TMEM268: variants seen among roughly 807,000 people sequenced by gnomAD.
TMEM268 encodes the protein transmembrane protein 268.
TMEM268 carries 24 observed loss-of-function variants against 39.1 expected under a neutral mutation model. That is an observed-to-expected ratio of 0.61 (90% CI 0.44 to 0.86). The LOEUF (loss-of-function observed/expected upper bound fraction) is 0.86, where lower values mean the gene tolerates loss of function less well. Ranked by LOEUF, TMEM268 falls within the 40% of genes least tolerant of loss-of-function variation. The pLI is 0.00. For synonymous variants in TMEM268, 176 were observed against 173.5 expected (o/e 1.01, Z -0.12); for missense variants, 409 against 428.6 (o/e 0.95, Z 0.40).
chr9:114,622,146 T>C, intron 2 of TMEM268: 1 of 985,116 alleles, frequency 1.0e-6, no homozygotes, highest in Non-Finnish European at 1.2e-6. Flanking sequence ...GAGAGAGGGT[T>C]TGGATAGGCC....
At chr9:114,626,859 TC>T (rs1360736166) in intron 3 of TMEM268, 39 bp from the exon 4 acceptor site, 1 of 1,480,220 alleles carries the variant, frequency 6.8e-7, no homozygotes. Context: ...AAACTGGCTG[TC>T]CTGCGGCTGA....
intron 7 of TMEM268, 78 bp from the exon 8 acceptor site, chr9:114,638,466 C>A (rs1846738836): frequency 8.8e-7 from 1 of 1,132,510 alleles, no homozygotes; most frequent in Admixed American, 2.9e-5. Context: ...GCTCGGTCTG[C>A]AGCTTGGGGA....
chr9:114,606,437 G>A (rs947269575), upstream of TMEM268, among the ~76,000 whole-genome samples: 3 of 152,188 alleles, frequency 2.0e-5, no homozygotes, highest in Non-Finnish European at 4.4e-5. Context: ...AGTGGAGTCC[G>A]TCATTTGAGG....
In TMEM268 at chr9:114,628,207, T is replaced by C. The variant is rs1564292631; in HGVS notation, c.431T>C (p.Leu144Pro). 6 of 1,614,164 alleles carry C rather than the reference T, an allele frequency of 3.7e-6. No homozygotes were observed. Among genetic ancestry groups the C allele is most frequent in the Non-Finnish European group, 5.1e-6 (6 of 1,179,994 alleles). ...MLLVTLAAVS[L>P]TLTLVLVFER... ...CTCGTGACCCTGGCCGCGGTGAGCC[T>C]GACCTTGACTCTTGTGCTGGTCTTT... The change falls in exon 5 of 9, where the codon CTG becomes CCG. Residue 144 changes from leucine to proline, a missense_variant. By Grantham distance (98) the Leu-to-Pro change is moderately conservative. Coordinates refer to ENST00000288502, the MANE Select transcript of TMEM268 (RefSeq NM_153045.4).
chr9:114,608,988 C>CAATTTGG (rs917718529), upstream of TMEM268, among the ~76,000 whole-genome samples: 5 of 152,070 alleles, frequency 3.3e-5, no homozygotes, highest in Non-Finnish European at 5.9e-5. Context: ...AGTTTCCCAA[C>CAATTTGG]AATTTGGAAT....
Position 114,627,006 on chromosome 9 carries a change from G to A in TMEM268, c.324G>A (p.Val108=). The change falls in exon 4 of 9, where the codon GTG becomes GTA. Residue 108 remains valine, a splice_region_variant and synonymous_variant. Coordinates refer to ENST00000288502, the MANE Select transcript of TMEM268 (RefSeq NM_153045.4). ...GGCCTATGCGGCTGGCCTTTGCTGT[G>A]GTAAGGGGGAGGTGGCCCGCACACT... is the stretch of plus-strand genomic sequence containing the variant. ...NSRPMRLAFA[V]VFYVVVWANI... 6.2e-7 allele frequency: 1 copy of A among 1,604,268 alleles called. No homozygotes were observed. Among genetic ancestry groups the A allele is most frequent in the Non-Finnish European group, 8.5e-7 (1 of 1,171,574 alleles).
At chr9:114,627,525 C>T (rs1846215351) in intron 4 of TMEM268, among the ~76,000 whole-genome samples, 1 of 152,154 alleles carries the variant, frequency 6.6e-6, no homozygotes, top group Non-Finnish European at 1.5e-5. Flanking sequence ...AGCGTCTGTG[C>T]TTGGAACCAC....
At chr9:114,607,460 A>T (rs1293861950), upstream of TMEM268, among the ~76,000 whole-genome samples, 2 of 152,194 alleles carry the variant, frequency 1.3e-5, no homozygotes, top group African/African-American at 4.8e-5. Context: ...GTTCGAGACC[A>T]GCTTGGGCAA....
rs141594851 is a variant in TMEM268 at position 114,638,651 on chromosome 9, C to T, written c.774C>T (p.Pro258=). 720 of 1,609,984 alleles carry T rather than the reference C, an allele frequency of 4.5e-4. 7 individuals carry two copies. The East Asian group carries it at 0.011, about 24-fold the overall frequency. The change falls in exon 8 of 9, where the codon CCC becomes CCT. Residue 258 remains proline, a synonymous_variant. Coordinates refer to ENST00000288502, the MANE Select transcript of TMEM268 (RefSeq NM_153045.4). ...ACTTGGAGGATGCTCCTCTCCTGCCCGGCAATTCTTGTCCTAACGAGAGGC... is the reference window on the plus strand; with the variant it reads ...ACTTGGAGGATGCTCCTCTCCTGCCTGGCAATTCTTGTCCTAACGAGAGGC... ...PENLEDAPLL[P]GNSCPNERPL... is the part of the protein sequence containing the mutation.
upstream of TMEM268, among the ~76,000 whole-genome samples, chr9:114,608,845 T>C (rs1270428305): frequency 6.6e-6 from 1 of 152,182 alleles, no homozygotes; most frequent in African/African-American, 2.4e-5. Flanking sequence ...AGTAGCCCAC[T>C]ACCTGGATCC....
intron 6 of TMEM268, among the ~76,000 whole-genome samples, chr9:114,636,501 TTTTC>T (rs538043417): frequency 0.01 from 1,489 of 144,842 alleles, 13 homozygotes; most frequent in South Asian, 0.058. Flanking sequence ...TTTTCTTTTC[TTTTC>T]TTTCTTTTCT....
rs1845533852 is a variant in TMEM268 at position 114,612,308 on chromosome 9, T to TG, written c.-79+745dup. Reference sequence around the variant, plus strand: ...CTGAAAAAGAGGGGAGTTGACCTTGTGCAAGATGGATATCTGGAAGTTCTG... The same window carrying TG: ...CTGAAAAAGAGGGGAGTTGACCTTGTGGCAAGATGGATATCTGGAAGTTCTG... On this transcript the variant is annotated intron_variant, in intron 1 of 8. Transcript: ENST00000288502. Among the ~76,000 whole-genome samples, 3 of 152,270 alleles carry TG rather than the reference T, an allele frequency of 2.0e-5. No individual in the cohort carries two copies. The South Asian group carries it at 6.2e-4, about 32-fold the overall frequency.
chr9:114,622,778 A>G (rs546466258), intron 2 of TMEM268, among the ~76,000 whole-genome samples: 4 of 152,126 alleles, frequency 2.6e-5, no homozygotes, highest in Non-Finnish European at 5.9e-5. Context: ...ACAAGTTACC[A>G]CTAACATACT....
At chr9:114,624,619 C>G (rs929053775) in intron 3 of TMEM268, among the ~76,000 whole-genome samples, 160 bp downstream of exon 3, 2 of 152,254 alleles carry the variant, frequency 1.3e-5, no homozygotes, top group African/African-American at 4.8e-5. Context: ...TCTTTCCTCT[C>G]TTCCCGGTTA....
chr9:114,638,759 T>TC, intron 8 of TMEM268, 33 bp downstream of exon 8: 2 of 1,487,234 alleles, frequency 1.3e-6, no homozygotes, highest in Non-Finnish European at 1.8e-6. Context: ...GGGGCCATCT[T>TC]CCCTCGGGGG....
chr9:114,617,283 C>A lies in TMEM268; in HGVS notation c.88C>A (p.Pro30Thr). ...CTGGAGTGCCCTGCCTGGAGGGAGC[C>A]CTCCTGGCTGGGGGCAAGGTAAGAT... ...PGWSALPGGS[P>T]PGWGQELHNG... Residue 30 changes from proline (P) to threonine (T), a missense_variant, in exon 2 of 9, where the codon CCT (proline) becomes ACT (threonine). Physicochemically the swap from Pro to Thr is conservative, Grantham distance 38. Transcript: ENST00000288502. 6.2e-7 allele frequency: 1 copy of A among 1,613,386 alleles called. No individual in the cohort carries two copies. The highest frequency in any genetic ancestry group is 8.5e-7 in the Non-Finnish European group (1 of 1,179,466).
At chr9:114,629,034 A>G (rs1351092040) in intron 5 of TMEM268, among the ~76,000 whole-genome samples, 1 of 152,200 alleles carries the variant, frequency 6.6e-6, no homozygotes, top group Non-Finnish European at 1.5e-5. Flanking sequence ...CAGTCGAGGA[A>G]CCCTAGACTC....
chr9:114,610,665 A>G (rs897743766), upstream of TMEM268, among the ~76,000 whole-genome samples: 1 of 152,200 alleles, frequency 6.6e-6, no homozygotes, highest in Non-Finnish European at 1.5e-5. Context: ...GATGGGAGTG[A>G]GCCCTTGTGA....
intron 5 of TMEM268, among the ~76,000 whole-genome samples, chr9:114,630,249 A>G (rs367650628): frequency 2.0e-5 from 3 of 150,472 alleles, no homozygotes; most frequent in African/African-American, 7.3e-5. Flanking sequence ...GACTGACACT[A>G]TTGAATTTAC....
Sources: allele counts gnomAD v4.1 joint callset (sites outside exome capture counted in the v4.1 genomes callset), GRCh38; gene constraint gnomAD v4.1.1; transcripts MANE v1.5; gene names NCBI Gene and HGNC (gene_info 2026-07-23, HGNC 2026-07-21).